Variants in DAW1 observed in about 807,000 individuals in gnomAD.
DAW1 encodes the protein dynein assembly factor with WD repeats 1.
Under a neutral mutation model 56.5 loss-of-function variants are expected in DAW1, and 47 were observed. The ratio of observed to expected loss-of-function variants is 0.83; its 90% confidence interval spans 0.66 to 1.06. DAW1 has a LOEUF of 1.06. Ranked by LOEUF, DAW1 falls within the 50% of genes least tolerant of loss-of-function variation. The probability of loss-of-function intolerance (pLI) is 0.00; values close to 1 mark genes in which losing one functional copy is unlikely to be tolerated. For missense variants in DAW1, 505 were observed against 499.3 expected (o/e 1.01, Z -0.11); for synonymous variants, 190 against 179.0 (o/e 1.06, Z -0.49).
Position 227,898,183 on chromosome 2 carries a change from G to T in DAW1, c.442G>T (p.Asp148Tyr). 1 of 1,560,802 alleles carries T rather than the reference G, an allele frequency of 6.4e-7. No homozygotes were observed. The highest frequency in any genetic ancestry group is 8.7e-7 in the Non-Finnish European group (1 of 1,151,362). Reference protein sequence around the residue: ...YAIAFNNPYGDKIATGSFDKT... With the variant: ...YAIAFNNPYGYKIATGSFDKT... ...ATCTACATTTCTTTTAAATCTTAGT[G>T]ACAAAATCGCCACTGGGTCCTTTGA... Residue 148 changes from aspartate (D) to tyrosine (Y), a missense_variant and splice_region_variant, in exon 6 of 13, where the codon GAC becomes TAC. Coordinates refer to ENST00000309931, the MANE Select transcript of DAW1 (RefSeq NM_178821.3).
intron 10 of DAW1, among the ~76,000 whole-genome samples, chr2:227,917,559 C>A (rs769855027): frequency 1.2e-4 from 18 of 144,286 alleles, no homozygotes; most frequent in Non-Finnish European, 2.6e-4. Context: ...TGCGCCCAGC[C>A]GATTTTTTTG....
At chr2:227,923,732 T>G (rs1449472736) in intron 12 of DAW1, among the ~76,000 whole-genome samples, 3 of 151,342 alleles carry the variant, frequency 2.0e-5, no homozygotes, top group African/African-American at 7.3e-5. Flanking sequence ...AATTTACAAC[T>G]AGCTGGTATC....
At position 227,918,807 on chromosome 2, in the gene DAW1, C is replaced by A. The variant is rs1480624446; in HGVS notation, c.1001C>A (p.Thr334Lys). Residue 334 changes from threonine (T) to lysine (K), a missense_variant, in exon 11 of 13, where the codon ACA (threonine) becomes AAA (lysine). Transcript: ENST00000309931. ...ACAGCAAGAATTTTCAGTGCTGCCA[C>A]AAGAAAATGCATTGCCAAACTGGAA... ...DGTARIFSAATRKCIAKLEGH... is the reference protein window; with the variant it reads ...DGTARIFSAAKRKCIAKLEGH... 1 of 1,614,056 alleles carries A rather than the reference C, an allele frequency of 6.2e-7. No homozygotes were observed. Among genetic ancestry groups the A allele is most frequent in the African/African-American group, 1.3e-5 (1 of 74,998 alleles).
Position 227,923,985 on chromosome 2 carries a change from A to G in DAW1, c.*17A>G. 6.2e-7 allele frequency: 1 copy of G among 1,613,986 alleles called. No individual in the cohort carries two copies. Among genetic ancestry groups the G allele is most frequent in the Non-Finnish European group, 8.5e-7 (1 of 1,179,870 alleles). On this transcript the variant is annotated 3_prime_UTR_variant, in exon 13 of 13. Coordinates refer to ENST00000309931, the MANE Select transcript of DAW1 (RefSeq NM_178821.3). ...TGGCGTTGACTGAAGGAAGCTGGTC[A>G]GTGAGCAACCTTGCTAGCAATGGTA...
chr2:227,891,067 G>A (rs1268833903), intron 3 of DAW1, among the ~76,000 whole-genome samples, 188 bp from the exon 4 acceptor site: 2 of 152,178 alleles, frequency 1.3e-5, no homozygotes, highest in African/African-American at 2.4e-5. Flanking sequence ...CATGCCATAT[G>A]TAAAAGAAAA....
rs758669460 is a variant in DAW1 at position 227,889,925 on chromosome 2, G to A, written c.183G>A (p.Glu61=). The A allele has an allele frequency of 5.0e-6, 8 of 1,609,790 alleles. No homozygotes were observed. In the South Asian group the frequency reaches 8.9e-5, roughly 18 times the overall value. ...CTCTACTCACAGCTTCACGAACAGA[G>A]CAAGTCAAACTTTTGATACAGAGGT... ...AEPLLTASRT[E]QVKLLIQRLQ... is the part of the protein sequence containing the mutation. Residue 61 remains glutamate, a synonymous_variant, in exon 3 of 13, where the codon GAG becomes GAA. Coordinates refer to ENST00000309931, the MANE Select transcript of DAW1 (RefSeq NM_178821.3).
rs1412547475 is a variant in DAW1, at chr2:227,918,821, G to A, written c.1015G>A (p.Ala339Thr). 1.9e-6 allele frequency: 3 copies of A among 1,613,952 alleles called. No homozygotes were observed. Among genetic ancestry groups the A allele is most frequent in the African/African-American group, 2.7e-5 (2 of 74,888 alleles). Reference sequence around the variant, plus strand: ...CAGTGCTGCCACAAGAAAATGCATTGCCAAACTGGAAGGTCATGAAGGTGA... The same window carrying A: ...CAGTGCTGCCACAAGAAAATGCATTACCAAACTGGAAGGTCATGAAGGTGA... The part of the protein sequence containing the change: ...IFSAATRKCI[A>T]KLEGHEGEIS... Residue 339 changes from alanine to threonine, a missense_variant, in exon 11 of 13, where the codon GCC becomes ACC. Transcript: ENST00000309931.
At chr2:227,885,068 G>A (rs989218114) in intron 1 of DAW1, among the ~76,000 whole-genome samples, 3 of 152,094 alleles carry the variant, frequency 2.0e-5, no homozygotes, top group East Asian at 1.9e-4. Context: ...CGTTCCTCAA[G>A]CCCTGAAACC....
intron 1 of DAW1, chr2:227,876,596 G>T (rs1690888847): frequency 9.3e-6 from 9 of 968,780 alleles, no homozygotes; most frequent in Admixed American, 3.1e-5. Context: ...GTTTTGTTTT[G>T]CCTCCTAATC....
chr2:227,907,322 T>C (rs1347893548), intron 10 of DAW1, 70 bp downstream of exon 10: 1 of 1,256,334 alleles, frequency 8.0e-7, no homozygotes, highest in Non-Finnish European at 1.1e-6. Context: ...TGCATAATTC[T>C]ACACTATGGG....
At chr2:227,901,490 A>G (rs1166909074) in intron 6 of DAW1, among the ~76,000 whole-genome samples, 1 of 152,180 alleles carries the variant, frequency 6.6e-6, no homozygotes, top group African/African-American at 2.4e-5. Context: ...ACCAATGAGC[A>G]ATTGAAATTG....
At chr2:227,919,932 G>C (rs1692064157) in intron 11 of DAW1, among the ~76,000 whole-genome samples, 1 of 152,206 alleles carries the variant, frequency 6.6e-6, no homozygotes, top group African/African-American at 2.4e-5. Context: ...TGCACCTACA[G>C]CTGGTGATCA....
chr2:227,910,935 C>A lies in DAW1; in HGVS notation c.973+3683C>A, dbSNP rs561687339. ...GTGTCATCACCCAGATACTTTTTTT[C>A]TGCATCCAATCATCCATGAGACCCT... On this transcript the variant is annotated intron_variant, in intron 10 of 12. Coordinates refer to ENST00000309931, the MANE Select transcript of DAW1 (RefSeq NM_178821.3). 7.2e-5 allele frequency among the ~76,000 whole-genome samples: 11 copies of A among 152,110 alleles called. No homozygotes were observed. In the South Asian group the frequency reaches 2.3e-3, roughly 32 times the overall value.
chr2:227,901,285 A>C (rs957719808), intron 6 of DAW1, among the ~76,000 whole-genome samples: 1 of 152,218 alleles, frequency 6.6e-6, no homozygotes, highest in African/African-American at 2.4e-5. Context: ...AGTGCCATTC[A>C]CCAATTCTGT....
rs747800659 is a variant in DAW1 at position 227,893,795 on chromosome 2, C to T, written c.318C>T (p.Cys106=). The T allele has an allele frequency of 6.2e-7, 1 of 1,610,124 alleles. No individual in the cohort carries two copies. Among genetic ancestry groups the T allele is most frequent in the Non-Finnish European group, 8.5e-7 (1 of 1,178,752 alleles). Residue 106 remains cysteine (C), a splice_region_variant and synonymous_variant, in exon 5 of 13, where the codon TGC becomes TGT. Transcript: ENST00000309931. The part of the protein sequence containing the change: ...TNVALNKSGS[C]FITGSYDRTC... ...AACGTGTTTATATTCCTTGTGTTAG[C>T]TTTATCACAGGAAGCTATGATCGGA...
chr2:227,913,266 G>T (rs1227570531), intron 10 of DAW1, among the ~76,000 whole-genome samples: 1 of 152,026 alleles, frequency 6.6e-6, no homozygotes, highest in African/African-American at 2.4e-5. Context: ...CCTTCATATC[G>T]ACATGTGATG....
intron 3 of DAW1, among the ~76,000 whole-genome samples, 190 bp from the exon 4 acceptor site, chr2:227,891,065 A>G (rs1691255536): frequency 6.6e-6 from 1 of 152,252 alleles, no homozygotes; most frequent in African/African-American, 2.4e-5. Flanking sequence ...CACATGCCAT[A>G]TGTAAAAGAA....
At chr2:227,888,557 C>T (rs1034171104) in intron 2 of DAW1, among the ~76,000 whole-genome samples, 12 of 152,296 alleles carry the variant, frequency 7.9e-5, no homozygotes, top group South Asian at 2.1e-4. Context: ...CAGCTGTGGA[C>T]GGAGAGCCAC....
At chr2:227,880,735 A>C (rs1157898591) in intron 1 of DAW1, among the ~76,000 whole-genome samples, 1 of 152,202 alleles carries the variant, frequency 6.6e-6, no homozygotes, top group East Asian at 1.9e-4. Flanking sequence ...ATTCCCTCTG[A>C]GAGATCATAG....
Sources: allele counts gnomAD v4.1 joint callset (sites outside exome capture counted in the v4.1 genomes callset), GRCh38; gene constraint gnomAD v4.1.1; transcripts MANE v1.5; gene names NCBI Gene and HGNC (gene_info 2026-07-23, HGNC 2026-07-21).